The following VWA8 variants were observed in gnomAD, a reference collection of about 807,000 sequenced individuals.
The protein encoded by VWA8 is von Willebrand factor A domain-containing protein 8.
VWA8 carries 221 observed loss-of-function variants against 241.5 expected under a neutral mutation model. The observed-to-expected ratio is 0.91, with a 90% CI of 0.82 to 1.02. VWA8 has a LOEUF of 1.02. VWA8 is among the 50% of genes least tolerant of loss of function. The pLI is 0.00. For missense variants in VWA8, 2,322 were observed against 2,328.7 expected (o/e 1.00, Z 0.06); for synonymous variants, 852 against 827.1 (o/e 1.03, Z -0.52).
rs549013600 is a variant in VWA8, at chr13:41,735,487, G to A, written c.2427-3332C>T. 2.0e-5 allele frequency among the ~76,000 whole-genome samples: 3 copies of A among 152,276 alleles called. No individual in the cohort carries two copies. In the South Asian group the frequency reaches 6.2e-4, roughly 32 times the overall value. ...CACAAATCAGATGATTTCCAAAGGA[G>A]ACTAAAATGAGAATAAATGCAAATG... On this transcript the variant is annotated intron_variant, in intron 21 of 44. Transcript: ENST00000379310.
intron 3 of VWA8, among the ~76,000 whole-genome samples, chr13:41,910,465 G>A (rs971742056): frequency 2.0e-5 from 3 of 151,734 alleles, no homozygotes; most frequent in African/African-American, 7.3e-5. Context: ...TGCGTCAGTA[G>A]TCCCAGCTAA....
intron 38 of VWA8, among the ~76,000 whole-genome samples, chr13:41,612,980 T>C (rs1471008192): frequency 6.6e-6 from 1 of 152,206 alleles, no homozygotes; most frequent in African/African-American, 2.4e-5. Flanking sequence ...ATAAAAGCCA[T>C]ATAATGGACT....
At chr13:41,929,612 T>A (rs565055583) in intron 2 of VWA8, among the ~76,000 whole-genome samples, 1 of 152,220 alleles carries the variant, frequency 6.6e-6, no homozygotes, top group Admixed American at 6.5e-5. Context: ...AATTCAAACA[T>A]ATACAGTCAA....
chr13:41,925,371 G>A (rs1876781512), intron 2 of VWA8, among the ~76,000 whole-genome samples: 2 of 152,162 alleles, frequency 1.3e-5, no homozygotes, highest in Admixed American at 6.5e-5. Flanking sequence ...CTCCGATACT[G>A]TAAACAGTGT....
At chr13:41,904,337 A>C (rs1875598510) in intron 4 of VWA8, among the ~76,000 whole-genome samples, 1 of 152,186 alleles carries the variant, frequency 6.6e-6, no homozygotes, top group African/African-American at 2.4e-5. Context: ...TTTTAAAAAT[A>C]TATTTTTAAA....
At chr13:41,732,485 A>T (rs111270731) in intron 21 of VWA8, among the ~76,000 whole-genome samples, 43 of 148,862 alleles carry the variant, frequency 2.9e-4, no homozygotes, top group Admixed American at 8.1e-4. Flanking sequence ...GAAACTAAAA[A>T]ATATATATAT....
intron 21 of VWA8, among the ~76,000 whole-genome samples, chr13:41,753,572 A>G (rs1256032525): frequency 6.6e-6 from 1 of 152,214 alleles, no homozygotes; most frequent in Non-Finnish European, 1.5e-5. Flanking sequence ...TTTAAATTAC[A>G]TATATCATTC....
At position 41,718,572 on chromosome 13, in the gene VWA8, A is replaced by C. The variant is rs184007352; in HGVS notation, c.3116+1019T>G. ...CTTATTCTTTTAACACAGAAGGGAA[A>C]TATTTGTTTCTCTTTTAGAAATTCC... On this transcript the variant is annotated intron_variant, in intron 26 of 44. Transcript: ENST00000379310. Among the ~76,000 whole-genome samples, 250 of 151,994 alleles carry C rather than the reference A, an allele frequency of 1.6e-3. 2 individuals carry two copies. Among genetic ancestry groups the C allele is most frequent in the Admixed American group, 0.015 (230 of 15,250 alleles).
intron 12 of VWA8, among the ~76,000 whole-genome samples, chr13:41,835,105 T>C (rs552237266): frequency 6.6e-6 from 1 of 152,036 alleles, no homozygotes; most frequent in Non-Finnish European, 1.5e-5. Context: ...GGAGGAGGGA[T>C]AGCATCAGGA....
intron 41 of VWA8, among the ~76,000 whole-genome samples, chr13:41,589,811 T>G (rs2044442834): frequency 6.6e-6 from 1 of 152,192 alleles, no homozygotes; most frequent in African/African-American, 2.4e-5. Context: ...GGCCACTGTG[T>G]GCTCTTCAAG....
chr13:41,604,176 G>T (rs1175727393), intron 40 of VWA8, among the ~76,000 whole-genome samples: 2 of 152,048 alleles, frequency 1.3e-5, no homozygotes, highest in Non-Finnish European at 2.9e-5. Flanking sequence ...GCAGTGTCCT[G>T]GTGCTCTCAA....
At position 41,835,221 on chromosome 13, in the gene VWA8, A is replaced by G. The variant is rs932406241; in HGVS notation, c.1426-1690T>C. On this transcript the variant is annotated intron_variant, in intron 12 of 44. Transcript: ENST00000379310. ...CATGTAACAAACCTGCACATCCTGC[A>G]CATGTACCTCTGAACTCAAAATAAA... is the stretch of plus-strand genomic sequence containing the variant. Among the ~76,000 whole-genome samples, 8 of 152,348 alleles carry G rather than the reference A, an allele frequency of 5.3e-5. No homozygotes were observed. In the South Asian group the frequency reaches 1.2e-3, roughly 24 times the overall value.
chr13:41,921,327 C>T (rs1050841668), intron 2 of VWA8, among the ~76,000 whole-genome samples: 2 of 152,172 alleles, frequency 1.3e-5, no homozygotes, highest in South Asian at 2.1e-4. Context: ...CCACAGCCAA[C>T]ATCATACTGA....
chr13:41,809,238 T>C (rs901739915), intron 17 of VWA8, among the ~76,000 whole-genome samples: 2 of 152,050 alleles, frequency 1.3e-5, no homozygotes, highest in Non-Finnish European at 2.9e-5. Flanking sequence ...ATGACATTCT[T>C]TACAGAAATA....
At chr13:41,928,346 AG>A (rs1247409244) in intron 2 of VWA8, among the ~76,000 whole-genome samples, 1 of 152,210 alleles carries the variant, frequency 6.6e-6, no homozygotes, top group African/African-American at 2.4e-5. Flanking sequence ...TGTCCATGTT[AG>A]GCCAGAAAAC....
chr13:41,637,210 AT>A (rs994415473), intron 37 of VWA8, among the ~76,000 whole-genome samples: 22 of 151,168 alleles, frequency 1.5e-4, no homozygotes, highest in Middle Eastern at 3.4e-3. Context: ...TGGCACATAT[AT>A]ACCATGGAAT....
intron 43 of VWA8, among the ~76,000 whole-genome samples, chr13:41,574,316 CTT>C (rs1488283976): frequency 2.6e-5 from 4 of 152,132 alleles, no homozygotes; most frequent in Admixed American, 2.6e-4. Flanking sequence ...AACTCAATCT[CTT>C]TTACAATAGC....
intron 2 of VWA8, among the ~76,000 whole-genome samples, chr13:41,920,091 G>A (rs979384319): frequency 6.6e-6 from 1 of 152,156 alleles, no homozygotes; most frequent in Non-Finnish European, 1.5e-5. Context: ...CCATTTCTGG[G>A]TTCTTGACAG....
chr13:41,882,842 A>T (rs1874328382), intron 9 of VWA8, among the ~76,000 whole-genome samples: 1 of 151,940 alleles, frequency 6.6e-6, no homozygotes, highest in African/African-American at 2.4e-5. Flanking sequence ...GGAGAGGGAG[A>T]GCAATCCTAT....
Sources: allele counts gnomAD v4.1 joint callset (sites outside exome capture counted in the v4.1 genomes callset), GRCh38; gene constraint gnomAD v4.1.1; transcripts MANE v1.5; gene names NCBI Gene and HGNC (gene_info 2026-07-23, HGNC 2026-07-21).